Variants in CNIH3 observed in about 807,000 individuals in gnomAD.
CNIH3 encodes the protein protein cornichon homolog 3.
A neutral mutation model predicts 24.1 loss-of-function variants in CNIH3; 14 were observed. The observed-to-expected ratio is 0.58, with a 90% CI of 0.38 to 0.91. The LOEUF is 0.91. Among genes scored for constraint, CNIH3 ranks in the 40% least tolerant of loss-of-function variants. CNIH3 has a pLI of 0.00. For missense variants in CNIH3, 178 were observed against 196.8 expected (o/e 0.90, Z 0.57); for synonymous variants, 68 against 73.8 (o/e 0.92, Z 0.40).
intron 3 of CNIH3, among the ~76,000 whole-genome samples, chr1:224,608,050 A>G (rs1558205651): frequency 6.6e-6 from 1 of 152,226 alleles, no homozygotes; most frequent in African/African-American, 2.4e-5. Context: ...AGCAACCTCA[A>G]TTCTTGCCTC....
intron 1 of CNIH3, among the ~76,000 whole-genome samples, chr1:224,621,023 T>G (rs1683254690): frequency 6.6e-6 from 1 of 152,276 alleles, no homozygotes; most frequent in Non-Finnish European, 1.5e-5. Flanking sequence ...GATGAAGCTA[T>G]TCTTTGAAAA....
Position 224,684,040 on chromosome 1 carries a change from A to G in CNIH3, c.151-756A>G, listed in dbSNP as rs1686529460. Among the ~76,000 whole-genome samples, 1 of 152,214 alleles carries G rather than the reference A, an allele frequency of 6.6e-6. No homozygotes were observed. Among genetic ancestry groups the G allele is most frequent in the African/African-American group, 2.4e-5 (1 of 41,456 alleles). The stretch of plus-strand genomic sequence containing the variant: ...GAGGAATCTCATTACCATTCCATCT[A>G]CAGCAACCAAATTGCCTCAGTAATG... On this transcript the variant is annotated intron_variant, in intron 2 of 5. Transcript: ENST00000272133. The surrounding 1 kb of genome is among the most constrained non-coding windows in gnomAD (Gnocchi z 4.2).
At chr1:224,475,055 GAAAA>G (rs58756292) in intron 1 of CNIH3, among the ~76,000 whole-genome samples, 1 of 95,604 alleles carries the variant, frequency 1.0e-5, no homozygotes, top group Non-Finnish European at 2.3e-5. Flanking sequence ...AAAAAAAAAA[GAAAA>G]AAAAAAAAGA....
intron 1 of CNIH3, among the ~76,000 whole-genome samples, chr1:224,441,694 G>A (rs1472219022): frequency 6.6e-6 from 1 of 152,040 alleles, no homozygotes; most frequent in East Asian, 1.9e-4. Flanking sequence ...CCAATAACTA[G>A]GCATTTAAAA....
intron 5 of CNIH3, among the ~76,000 whole-genome samples, chr1:224,585,416 A>G (rs1681458121): frequency 6.6e-6 from 1 of 152,150 alleles, no homozygotes; most frequent in East Asian, 1.9e-4. Flanking sequence ...TTCCAGAGCC[A>G]TATCCTACAC....
At chr1:224,567,011 A>G (rs1159852348) in intron 4 of CNIH3, among the ~76,000 whole-genome samples, 1 of 152,174 alleles carries the variant, frequency 6.6e-6, no homozygotes, top group East Asian at 1.9e-4. Context: ...CTATTTCTCC[A>G]CATCCTCTCC....
intron 1 of CNIH3, among the ~76,000 whole-genome samples, chr1:224,632,971 T>C (rs532137188): frequency 1.3e-5 from 2 of 152,162 alleles, no homozygotes; most frequent in South Asian, 4.1e-4. Context: ...TTTTGTTTCC[T>C]TGTGTGTGAA....
chr1:224,652,255 T>C (rs757609853), intron 1 of CNIH3, among the ~76,000 whole-genome samples: 9 of 152,038 alleles, frequency 5.9e-5, no homozygotes, highest in Non-Finnish European at 8.8e-5. Flanking sequence ...CAAGCAGATC[T>C]ATATGGCGAA....
intron 3 of CNIH3, among the ~76,000 whole-genome samples, chr1:224,724,622 T>A (rs6702972): frequency 0.021 from 3,152 of 152,284 alleles, 109 homozygotes; most frequent in African/African-American, 0.071. Flanking sequence ...CTCCACACTC[T>A]TTGGCTCCTG....
chr1:224,445,489 T>C (rs1675118701), intron 1 of CNIH3, among the ~76,000 whole-genome samples: 1 of 149,844 alleles, frequency 6.7e-6, no homozygotes, highest in Non-Finnish European at 1.5e-5. Flanking sequence ...GGCAGGAGAG[T>C]TGCTTGAACC....
chr1:224,538,347 T>G (rs1679373966), downstream of CNIH3, among the ~76,000 whole-genome samples: 1 of 152,148 alleles, frequency 6.6e-6, no homozygotes, highest in Non-Finnish European at 1.5e-5. Flanking sequence ...CTCAGGAATG[T>G]GGTAGTTTTT....
At chr1:224,452,797 A>T (rs1197193776) in intron 1 of CNIH3, among the ~76,000 whole-genome samples, 1 of 144,804 alleles carries the variant, frequency 6.9e-6, no homozygotes, top group Admixed American at 7.0e-5. Context: ...AAAAAAAAAA[A>T]AAAAAGGGTT....
chr1:224,694,605 C>A (rs1031904909), intron 3 of CNIH3, among the ~76,000 whole-genome samples: 3 of 152,112 alleles, frequency 2.0e-5, no homozygotes, highest in Non-Finnish European at 4.4e-5. Flanking sequence ...ATCAGACTTT[C>A]ATTATATGAA....
At chr1:224,452,329 T>A (rs554718192) in intron 1 of CNIH3, among the ~76,000 whole-genome samples, 1 of 151,958 alleles carries the variant, frequency 6.6e-6, no homozygotes, top group Non-Finnish European at 1.5e-5. Flanking sequence ...TTTGTATTTT[T>A]AGTAGGGACA....
At chr1:224,441,548 G>A (rs531550258) in intron 1 of CNIH3, among the ~76,000 whole-genome samples, 1 of 152,170 alleles carries the variant, frequency 6.6e-6, no homozygotes, top group South Asian at 2.1e-4. Flanking sequence ...TTTCGAATGT[G>A]TTGTTCATCC....
Position 224,617,254 on chromosome 1 carries a change from A to C in CNIH3, c.80A>C (p.His27Pro). The change falls in exon 1 of 6, where the codon CAC (histidine) becomes CCC (proline). Residue 27 changes from histidine (H) to proline (P), a missense_variant and splice_region_variant. Physicochemically the swap from His to Pro is moderately conservative, Grantham distance 77. Transcript: ENST00000272133. ...CAALIFFAIW[H>P]IIAFDELRTD... ...GCGCTCATCTTCTTCGCCATCTGGC[A>C]CGTGAGTAACACGCTTTGGTCTCTC... The C allele has an allele frequency of 6.2e-7, 1 of 1,613,882 alleles. No homozygotes were observed. The highest frequency in any genetic ancestry group is 1.7e-5 in the Admixed American group (1 of 59,970).
intron 3 of CNIH3, among the ~76,000 whole-genome samples, chr1:224,701,994 G>C (rs1465609952): frequency 6.6e-6 from 1 of 152,078 alleles, no homozygotes; most frequent in Non-Finnish European, 1.5e-5. Context: ...CTAACTCTCT[G>C]ACATAAAAGC....
chr1:224,720,548 G>A (rs980554001), intron 3 of CNIH3, among the ~76,000 whole-genome samples: 1 of 152,142 alleles, frequency 6.6e-6, no homozygotes, highest in African/African-American at 2.4e-5. Context: ...GGCACCGTGG[G>A]TGGGACAGGT....
At chr1:224,531,006 T>C (rs1263714167) in intron 2 of CNIH3, among the ~76,000 whole-genome samples, 1 of 152,186 alleles carries the variant, frequency 6.6e-6, no homozygotes, top group Non-Finnish European at 1.5e-5. Flanking sequence ...GCTAGCTGAA[T>C]AGAGCAGACT....
Sources: gnomAD v4.1 joint callset for allele counts (sites outside exome capture counted in the v4.1 genomes callset) on GRCh38, gnomAD v4.1.1 for gene constraint, Gnocchi (gnomAD v3.1) non-coding constraint, MANE v1.5 for transcripts, NCBI Gene and HGNC (gene_info 2026-07-23, HGNC 2026-07-21) for gene names.